NHS: variants seen among roughly 807,000 people sequenced by gnomAD.
NHS encodes NHS actin remodeling regulator, also known as actin remodeling regulator NHS.
In NHS, 5 loss-of-function variants were observed where a neutral mutation model predicts 72.5. That is an observed-to-expected ratio of 0.07 (90% CI 0.04 to 0.14). NHS has a LOEUF of 0.14. Ranked by LOEUF, NHS falls within the 10% of genes least tolerant of loss-of-function variation. The probability of loss-of-function intolerance (pLI) is 1.00; values close to 1 mark genes in which losing one functional copy is unlikely to be tolerated. For missense variants in NHS, 1,072 were observed against 1,355.7 expected (o/e 0.79, Z 3.29); for synonymous variants, 464 against 547.7 (o/e 0.85, Z 2.13).
intron 1 of NHS, among the ~76,000 whole-genome samples, chrX:17,505,516 T>A (rs1466191780): frequency 8.9e-6 from 1 of 111,930 alleles, no homozygotes; most frequent in African/African-American, 3.3e-5. Flanking sequence ...ATACAAGTTA[T>A]ATTTGCTGAT....
chrX:17,385,472 C>G (rs773022464), intron 1 of NHS, among the ~76,000 whole-genome samples: 1 of 111,854 alleles, frequency 8.9e-6, no homozygotes, highest in South Asian at 3.8e-4. Flanking sequence ...CAAGATCATG[C>G]CACTGCATAC....
rs138011064 is a variant in NHS, at chrX:17,573,188, G to A, written c.566-114554G>A. Among the ~76,000 whole-genome samples, 963 of 111,166 alleles carry A rather than the reference G, an allele frequency of 8.7e-3. 7 individuals carry two copies. Among genetic ancestry groups the A allele is most frequent in the African/African-American group, 0.03 (915 of 30,538 alleles). On this transcript the variant is annotated intron_variant, in intron 1 of 8. Coordinates refer to ENST00000676302, the MANE Select transcript of NHS (RefSeq NM_001291867.2). ...GCTCTTCTCGAAGAGTGTCTTTGTC[G>A]TGTTCTCTGTTATTTACTGAATTTG...
intron 1 of NHS, among the ~76,000 whole-genome samples, chrX:17,530,460 A>G (rs923034520): frequency 9.0e-6 from 1 of 111,301 alleles, no homozygotes; most frequent in East Asian, 2.8e-4. Context: ...AATGGGGTGA[A>G]GGGATGATTT....
chrX:17,416,609 T>C (rs2064596698), intron 1 of NHS, among the ~76,000 whole-genome samples: 1 of 112,518 alleles, frequency 8.9e-6, no homozygotes, highest in South Asian at 3.6e-4. Context: ...CAGTACTTAC[T>C]GCATGGGACT....
intron 1 of NHS, among the ~76,000 whole-genome samples, chrX:17,426,127 T>C (rs912631640): frequency 1.8e-5 from 2 of 112,197 alleles, no homozygotes; most frequent in African/African-American, 6.5e-5. Context: ...TGATTGCACA[T>C]ATCTCTCCCC....
intron 1 of NHS, among the ~76,000 whole-genome samples, chrX:17,552,030 G>T (rs1350726408): frequency 9.9e-6 from 1 of 100,892 alleles, no homozygotes; most frequent in African/African-American, 3.4e-5. Context: ...CTCTTTAAAG[G>T]GAGGAAACCG....
intron 1 of NHS, among the ~76,000 whole-genome samples, chrX:17,511,318 C>T (rs2065086464): frequency 9.0e-6 from 1 of 111,582 alleles, no homozygotes; most frequent in Non-Finnish European, 1.9e-5. Flanking sequence ...GGGCTGAGCA[C>T]CACCGTAGGT....
chrX:17,506,764 T>C (rs1460092919), intron 1 of NHS, among the ~76,000 whole-genome samples: 1 of 110,930 alleles, frequency 9.0e-6, no homozygotes, highest in African/African-American at 3.3e-5. Flanking sequence ...CAGCATATCT[T>C]CCTATAATAT....
At chrX:17,613,417 C>A (rs61334189) in intron 1 of NHS, among the ~76,000 whole-genome samples, 15,197 of 111,032 alleles carry the variant, frequency 0.14, 1,963 homozygotes, top group African/African-American at 0.39. Flanking sequence ...AACAACCCTT[C>A]CCCCTAGATT....
rs2065506929 is a variant in NHS, at chrX:17,575,719, A to T, written c.566-112023A>T. Among the ~76,000 whole-genome samples the T allele has an allele frequency of 7.1e-5, 8 of 112,496 alleles. No individual in the cohort carries two copies. The South Asian group carries it at 2.9e-3, about 41-fold the overall frequency. ...CATTGTTTGCTGTTGTACCTCCAGC[A>T]CTCAGCACAATGCTCCTCTCATGGT... On this transcript the variant is annotated intron_variant, in intron 1 of 8. Transcript: ENST00000676302.
intron 1 of NHS, among the ~76,000 whole-genome samples, chrX:17,513,569 C>T (rs754946825): frequency 5.3e-4 from 60 of 112,230 alleles, no homozygotes; most frequent in Non-Finnish European, 7.5e-4. Flanking sequence ...CCCTAGACCT[C>T]CTGAATCAAA....
At chrX:17,622,848 C>CA (rs1371070795) in intron 1 of NHS, among the ~76,000 whole-genome samples, 1 of 111,230 alleles carries the variant, frequency 9.0e-6, no homozygotes, top group African/African-American at 3.3e-5. Context: ...GAAGTAGAGG[C>CA]AAGGTGTATG....
intron 1 of NHS, among the ~76,000 whole-genome samples, chrX:17,473,411 T>C (rs1449704072): frequency 8.9e-6 from 1 of 112,668 alleles, no homozygotes; most frequent in Non-Finnish European, 1.9e-5. Flanking sequence ...GGTTGTGCTG[T>C]TCAATATGGC....
chrX:17,671,523 T>G (rs186288524), intron 1 of NHS, among the ~76,000 whole-genome samples: 1 of 112,881 alleles, frequency 8.9e-6, no homozygotes, highest in East Asian at 2.8e-4. Flanking sequence ...CTGGTGTATT[T>G]AACAACATTA....
At chrX:17,552,994 C>A (rs911510024) in intron 1 of NHS, among the ~76,000 whole-genome samples, 17 of 112,740 alleles carry the variant, frequency 1.5e-4, no homozygotes, top group Admixed American at 5.6e-4. Context: ...CTTGGGCGAC[C>A]AACTCATCCT....
At chrX:17,386,161 G>A (rs1357842957) in intron 1 of NHS, among the ~76,000 whole-genome samples, 3 of 111,866 alleles carry the variant, frequency 2.7e-5, no homozygotes, top group East Asian at 2.8e-4. Flanking sequence ...CATGTCATAC[G>A]GAATCTACCT....
chrX:17,509,206 AATTTATTTATTT>A (rs10691839), intron 1 of NHS, among the ~76,000 whole-genome samples: 42 of 98,226 alleles, frequency 4.3e-4, no homozygotes, highest in Admixed American at 1.2e-3. Context: ...AGTTACAAGT[AATTTATTTATTT>A]ATTTATTTAT....
At chrX:17,404,622 CCTT>C (rs1440644216) in intron 1 of NHS, among the ~76,000 whole-genome samples, 1 of 111,116 alleles carries the variant, frequency 9.0e-6, no homozygotes, top group African/African-American at 3.3e-5. Flanking sequence ...CCTAATCTCT[CCTT>C]CTGCCTCCCT....
intron 4 of NHS, among the ~76,000 whole-genome samples, chrX:17,720,172 G>A (rs187409000): frequency 2.9e-4 from 32 of 111,483 alleles, no homozygotes; most frequent in African/African-American, 9.8e-4. Flanking sequence ...CCCAAGGGGG[G>A]AGTCATATCC....
Sources: gnomAD v4.1 joint callset for allele counts (sites outside exome capture counted in the v4.1 genomes callset) on GRCh38, gnomAD v4.1.1 for gene constraint, MANE v1.5 for transcripts, NCBI Gene and HGNC (gene_info 2026-07-23, HGNC 2026-07-21) for gene names.